PTPRD: variants seen among roughly 807,000 people sequenced by gnomAD.
PTPRD encodes the protein receptor-type tyrosine-protein phosphatase delta.
In PTPRD, 34 loss-of-function variants were observed where a neutral mutation model predicts 214.5. That is an observed-to-expected ratio of 0.16 (90% CI 0.12 to 0.21). PTPRD has a LOEUF of 0.21. PTPRD is among the 10% of genes least tolerant of loss of function. The pLI is 1.00. For synonymous variants in PTPRD, 1,128 were observed against 845.7 expected (o/e 1.33, Z -5.79); for missense variants, 2,545 against 2,398.7 (o/e 1.06, Z -1.27).
intron 12 of PTPRD, among the ~76,000 whole-genome samples, chr9:8,665,474 C>A (rs181906550): frequency 1.8e-4 from 27 of 152,280 alleles, no homozygotes; most frequent in Admixed American, 1.6e-3. Flanking sequence ...ATCCTTTGAA[C>A]AGCTACTGAG....
chr9:10,362,783 G>C (rs1181850945), intron 2 of PTPRD, among the ~76,000 whole-genome samples: 1 of 152,182 alleles, frequency 6.6e-6, no homozygotes, highest in African/African-American at 2.4e-5. Flanking sequence ...AGGAGGCTGA[G>C]GCAGAAGAAT....
intron 5 of PTPRD, among the ~76,000 whole-genome samples, chr9:9,827,573 A>G (rs1243303611): frequency 6.6e-6 from 1 of 152,124 alleles, no homozygotes; most frequent in Admixed American, 6.6e-5. Context: ...AACCTAGGCA[A>G]TACCATTCAG....
intron 10 of PTPRD, among the ~76,000 whole-genome samples, 161 bp from the exon 11 acceptor site, chr9:9,018,896 A>T (rs1039568154): frequency 2.0e-5 from 3 of 152,190 alleles, no homozygotes; most frequent in Admixed American, 6.5e-5. Context: ...TTTCACACTT[A>T]TTGTTGTAAA....
intron 11 of PTPRD, among the ~76,000 whole-genome samples, chr9:9,002,977 T>C (rs1242931437): frequency 6.6e-6 from 1 of 152,066 alleles, no homozygotes; most frequent in Non-Finnish European, 1.5e-5. Flanking sequence ...GTGGGACTAC[T>C]GCTGGAAATT....
intron 14 of PTPRD, among the ~76,000 whole-genome samples, chr9:8,606,747 T>G: frequency 6.6e-6 from 1 of 152,366 alleles, no homozygotes; most frequent in Middle Eastern, 3.4e-3. Context: ...AGGAAGGTCA[T>G]TTTTATATCT....
intron 3 of PTPRD, among the ~76,000 whole-genome samples, chr9:10,052,542 T>C (rs914538142): frequency 2.0e-5 from 3 of 152,160 alleles, no homozygotes; most frequent in African/African-American, 7.2e-5. Context: ...ATTTCAGGTA[T>C]TGTAAAACTG....
chr9:8,857,288 G>A (rs1029574592), intron 11 of PTPRD, among the ~76,000 whole-genome samples: 2 of 152,180 alleles, frequency 1.3e-5, no homozygotes, highest in African/African-American at 4.8e-5. Context: ...GGGTAAGGGT[G>A]GATTGCCCCA....
chr9:9,351,110 T>G (rs1158659043), intron 9 of PTPRD, among the ~76,000 whole-genome samples: 1 of 152,042 alleles, frequency 6.6e-6, no homozygotes, highest in Non-Finnish European at 1.5e-5. Context: ...CAGGCATCCC[T>G]TACTCAATTC....
intron 5 of PTPRD, among the ~76,000 whole-genome samples, chr9:9,774,663 G>C (rs549477320): frequency 6.6e-6 from 1 of 152,250 alleles, no homozygotes; most frequent in South Asian, 2.1e-4. Flanking sequence ...TAGTTTGAAG[G>C]ATCCATTATA....
chr9:9,442,767 G>A (rs1489136484), intron 8 of PTPRD, among the ~76,000 whole-genome samples: 2 of 152,078 alleles, frequency 1.3e-5, no homozygotes, highest in African/African-American at 4.8e-5. Context: ...GGCCATACTG[G>A]GAATGTCTTC....
chr9:10,431,169 T>C (rs1006545124), intron 2 of PTPRD, among the ~76,000 whole-genome samples: 7 of 152,034 alleles, frequency 4.6e-5, no homozygotes, highest in African/African-American at 1.7e-4. Context: ...TTTTATTTTC[T>C]TATTTTCCTA....
intron 9 of PTPRD, among the ~76,000 whole-genome samples, chr9:9,194,671 C>G (rs1182581037): frequency 1.3e-5 from 2 of 152,122 alleles, no homozygotes; most frequent in African/African-American, 4.8e-5. Flanking sequence ...AAGTGAGGAG[C>G]TGGTCAGTAT....
At chr9:8,615,850 A>G (rs751890895) in intron 14 of PTPRD, among the ~76,000 whole-genome samples, 1 of 152,236 alleles carries the variant, frequency 6.6e-6, no homozygotes, top group South Asian at 2.1e-4. Flanking sequence ...ATTTGTCCAT[A>G]TATTTTCAAC....
intron 9 of PTPRD, among the ~76,000 whole-genome samples, chr9:9,370,537 T>C (rs1208622832): frequency 6.6e-6 from 1 of 151,690 alleles, no homozygotes; most frequent in Non-Finnish European, 1.5e-5. Context: ...TTTCTAGATA[T>C]ACAATCATGT....
At chr9:9,422,152 T>C (rs903708935) in intron 8 of PTPRD, among the ~76,000 whole-genome samples, 1 of 152,118 alleles carries the variant, frequency 6.6e-6, no homozygotes, top group Non-Finnish European at 1.5e-5. Context: ...CATCGCTTTG[T>C]TCACTATTCA....
At chr9:8,544,467 C>CTTT (rs34002040) in intron 14 of PTPRD, among the ~76,000 whole-genome samples, 7 of 116,198 alleles carry the variant, frequency 6.0e-5, no homozygotes, top group African/African-American at 1.0e-4. Context: ...AAAAAAATAA[C>CTTT]TTTTTTTTTT....
intron 2 of PTPRD, among the ~76,000 whole-genome samples, chr9:10,505,811 C>T (rs1395961928): frequency 1.3e-5 from 2 of 151,902 alleles, no homozygotes; most frequent in African/African-American, 4.8e-5. Flanking sequence ...TAGAAGCCAA[C>T]AGGAAATTAT....
At chr9:8,952,530 G>C (rs922476004) in intron 11 of PTPRD, among the ~76,000 whole-genome samples, 1 of 151,746 alleles carries the variant, frequency 6.6e-6, no homozygotes, top group South Asian at 2.1e-4. Context: ...CCAAATTAAG[G>C]AGCATGGGGA....
chr9:10,008,583 T>G (rs1159514756), intron 4 of PTPRD, among the ~76,000 whole-genome samples: 1 of 109,180 alleles, frequency 9.2e-6, no homozygotes. Context: ...TCCCATATCC[T>G]GTGAGCATAT....
Sources: gnomAD v4.1 joint callset for allele counts (sites outside exome capture counted in the v4.1 genomes callset) on GRCh38, gnomAD v4.1.1 for gene constraint, MANE v1.5 for transcripts, NCBI Gene and HGNC (gene_info 2026-07-23, HGNC 2026-07-21) for gene names.